ASTN2: variants seen among roughly 807,000 people sequenced by gnomAD.
ASTN2 encodes the protein astrotactin 2.
Under a neutral mutation model 139.8 loss-of-function variants are expected in ASTN2, and 54 were observed. The observed-to-expected ratio is 0.39, with a 90% CI of 0.31 to 0.48. The LOEUF (loss-of-function observed/expected upper bound fraction) is 0.48. ASTN2 is among the 20% of genes least tolerant of loss of function. ASTN2 has a pLI of 0.95. For synonymous variants in ASTN2, 756 were observed against 719.5 expected (o/e 1.05, Z -0.81); for missense variants, 1,565 against 1,725.1 (o/e 0.91, Z 1.64).
intron 1 of ASTN2, among the ~76,000 whole-genome samples, chr9:117,318,961 G>A (rs1268941812): frequency 6.6e-6 from 1 of 152,162 alleles, no homozygotes; most frequent in Non-Finnish European, 1.5e-5. Flanking sequence ...TAGTCACTGC[G>A]GGAGGCAAAT....
intron 2 of ASTN2, among the ~76,000 whole-genome samples, chr9:117,265,132 GA>G: frequency 6.6e-6 from 1 of 152,196 alleles, no homozygotes; most frequent in Non-Finnish European, 1.5e-5. Context: ...AAGCAGTTCA[GA>G]AGATAGGAAT....
At chr9:116,802,067 T>C (rs1357943344) in intron 13 of ASTN2, among the ~76,000 whole-genome samples, 1 of 142,946 alleles carries the variant, frequency 7.0e-6, no homozygotes, top group Non-Finnish European at 1.5e-5. Flanking sequence ...TAAGGGGCCA[T>C]GTTCTTTCTT....
chr9:117,096,271 AC>A, intron 4 of ASTN2, 120 bp from the exon 5 acceptor site: 1 of 738,654 alleles, frequency 1.4e-6, no homozygotes, highest in Non-Finnish European at 2.3e-6. Context: ...ATCCCAAGCA[AC>A]CCAGGAGTCA....
chr9:116,919,640 ATTT>A (rs72054196), intron 10 of ASTN2, among the ~76,000 whole-genome samples: 1 of 113,552 alleles, frequency 8.8e-6, no homozygotes. Flanking sequence ...CAAAAACATC[ATTT>A]TTTTTTTTTT....
intron 3 of ASTN2, among the ~76,000 whole-genome samples, chr9:117,189,687 G>A (rs1008906991): frequency 6.6e-6 from 1 of 152,152 alleles, no homozygotes; most frequent in African/African-American, 2.4e-5. Context: ...TTAGTAAGGT[G>A]AAACTGGACC....
chr9:116,627,725 G>T (rs1225371181), intron 17 of ASTN2, among the ~76,000 whole-genome samples: 1 of 152,148 alleles, frequency 6.6e-6, no homozygotes, highest in African/African-American at 2.4e-5. Context: ...TAATCCTGAA[G>T]CCCATGCTGT....
Position 116,699,396 on chromosome 9 carries a change from A to G in ASTN2, c.2806+26375T>C. The G allele has an allele frequency of 1.9e-6, 3 of 1,614,032 alleles. No individual in the cohort carries two copies. The South Asian group carries it at 3.3e-5, about 18-fold the overall frequency. ...GCACCACCTGGAGGGTGGCTTTTCC[A>G]TTGGCTCTGTAGGCCCTGATGGGCA... On this transcript the variant is annotated intron_variant, in intron 16 of 22. Coordinates refer to ENST00000313400, the MANE Select transcript of ASTN2 (RefSeq NM_001365068.1). The surrounding 1 kb of genome is among the most constrained non-coding windows in gnomAD (Gnocchi z 4.2).
intron 2 of ASTN2, among the ~76,000 whole-genome samples, chr9:117,253,365 C>T (rs963561402): frequency 6.6e-6 from 1 of 152,174 alleles, no homozygotes; most frequent in Non-Finnish European, 1.5e-5. Context: ...CTCTGGAATG[C>T]CCTGAGGCAA....
chr9:116,961,365 A>C (rs1018790632), intron 10 of ASTN2, among the ~76,000 whole-genome samples: 3 of 152,006 alleles, frequency 2.0e-5, no homozygotes, highest in African/African-American at 7.3e-5. Flanking sequence ...ATCAAACAAT[A>C]ACTCTCCATT....
At chr9:116,864,330 C>A (rs1832965131) in intron 10 of ASTN2, among the ~76,000 whole-genome samples, 2 of 152,116 alleles carry the variant, frequency 1.3e-5, no homozygotes, top group Admixed American at 1.3e-4. Context: ...CCCTCCAGGG[C>A]CCTAGATCCT....
intron 6 of ASTN2, among the ~76,000 whole-genome samples, chr9:117,029,609 T>C (rs1435758947): frequency 6.6e-6 from 1 of 151,792 alleles, no homozygotes; most frequent in African/African-American, 2.4e-5. Flanking sequence ...GTTTTATCTG[T>C]CTCTCCACCC....
chr9:117,141,231 G>C, intron 4 of ASTN2, 95 bp downstream of exon 4: 1 of 1,240,922 alleles, frequency 8.1e-7, no homozygotes. Flanking sequence ...TATGAGCACA[G>C]GGAAGCAAGG....
chr9:116,508,901 G>A (rs1001959752), intron 19 of ASTN2, among the ~76,000 whole-genome samples: 1 of 152,166 alleles, frequency 6.6e-6, no homozygotes, highest in Non-Finnish European at 1.5e-5. Flanking sequence ...AGGTAGCTTG[G>A]AAGATGCTCA....
chr9:116,827,384 A>T (rs2416579), intron 11 of ASTN2, among the ~76,000 whole-genome samples: 1 of 149,238 alleles, frequency 6.7e-6, no homozygotes, highest in Non-Finnish European at 1.5e-5. Flanking sequence ...GGAGAAAAGA[A>T]ATAACAAAGA....
chr9:116,863,536 C>CTT (rs756643003), intron 11 of ASTN2, 47 bp downstream of exon 11: 1 of 1,600,644 alleles, frequency 6.2e-7, no homozygotes, highest in Non-Finnish European at 8.5e-7. Context: ...AGCAGGTGGC[C>CTT]TTAGCCCCTG....
chr9:116,845,292 CTTATT>C (rs1832394958), intron 11 of ASTN2, among the ~76,000 whole-genome samples: 1 of 152,078 alleles, frequency 6.6e-6, no homozygotes, highest in Non-Finnish European at 1.5e-5. Context: ...TTTTGTTTCT[CTTATT>C]TTTAGTAGAG....
At chr9:116,867,596 A>G (rs1276296764) in intron 10 of ASTN2, among the ~76,000 whole-genome samples, 1 of 151,256 alleles carries the variant, frequency 6.6e-6, no homozygotes, top group Non-Finnish European at 1.5e-5. Context: ...AGAGCCATGG[A>G]GAGCAGAGAC....
chr9:116,526,529 G>A (rs556382085), intron 19 of ASTN2, among the ~76,000 whole-genome samples: 1 of 151,890 alleles, frequency 6.6e-6, no homozygotes, highest in Non-Finnish European at 1.5e-5. Context: ...GACTCAGGTG[G>A]GAAAACTGCT....
chr9:117,097,082 C>A (rs1279148293), intron 4 of ASTN2, among the ~76,000 whole-genome samples: 1 of 152,144 alleles, frequency 6.6e-6, no homozygotes, highest in African/African-American at 2.4e-5. Flanking sequence ...ACCTAGGCTG[C>A]AGGATGGGTG....
Sources: gnomAD v4.1 joint callset for allele counts (sites outside exome capture counted in the v4.1 genomes callset) on GRCh38, gnomAD v4.1.1 for gene constraint, Gnocchi (gnomAD v3.1) non-coding constraint, MANE v1.5 for transcripts, NCBI Gene and HGNC (gene_info 2026-07-23, HGNC 2026-07-21) for gene names.